Variants in SLFN14 observed in about 807,000 individuals in gnomAD.
The protein encoded by SLFN14 is protein SLFN14.
SLFN14 carries 47 observed loss-of-function variants against 58.6 expected under a neutral mutation model. The ratio of observed to expected loss-of-function variants is 0.80; its 90% CI spans 0.64 to 1.02. The LOEUF (loss-of-function observed/expected upper bound fraction) is 1.02. Among genes scored for constraint, SLFN14 ranks in the 50% least tolerant of loss-of-function variants. The pLI, the probability that SLFN14 is intolerant of heterozygous loss-of-function variation, is 0.00. For synonymous variants in SLFN14, 390 were observed against 387.3 expected, an observed-to-expected ratio of 1.01 and a Z score of -0.08; for missense variants, 967 against 1,078.4, an observed-to-expected ratio of 0.90 and a Z score of 1.45.
chr17:35,557,491 A>C lies in SLFN14; in HGVS notation c.572T>G (p.Phe191Cys). 1.3e-6 allele frequency: 2 copies of C among 1,551,624 alleles called. No individual in the cohort carries two copies. The highest frequency in any genetic ancestry group is 3.3e-4 in the Middle Eastern group (2 of 5,990). Residue 191 changes from phenylalanine (F) to cysteine (C), a missense_variant, in exon 3 of 6, where the codon TTT (phenylalanine) becomes TGT (cysteine). Phe to Cys is a radical substitution (Grantham distance 205). Coordinates refer to ENST00000674182, the MANE Select transcript of SLFN14 (RefSeq NM_001129820.2). Reference sequence around the variant, plus strand: ...CTTATACATGAGTTTGTCCTTTTTAAAAAATTCTGAGGCCAATATCCTCAT... The same window carrying C: ...CTTATACATGAGTTTGTCCTTTTTACAAAATTCTGAGGCCAATATCCTCAT... Reference protein sequence around the residue: ...EDMRILASEFFKKDKLMYKEK... With the variant: ...EDMRILASEFCKKDKLMYKEK...
chr17:35,552,840 C>T lies in SLFN14; in HGVS notation c.1794G>A (p.Arg598=). 1.3e-6 allele frequency: 2 copies of T among 1,551,082 alleles called. No individual in the cohort carries two copies. Among genetic ancestry groups the T allele is most frequent in the Non-Finnish European group, 1.7e-6 (2 of 1,146,822 alleles). The part of the protein sequence containing the change: ...ELFIYCFPGV[R]KTALAIKIME... Reference sequence around the variant, plus strand: ...TGATCTTTATGGCTAGGGCTGTCTTCCTGACTCCTGGAAAGCAGTAGATGA... The same window carrying T: ...TGATCTTTATGGCTAGGGCTGTCTTTCTGACTCCTGGAAAGCAGTAGATGA... The change falls in exon 5 of 6, where the codon AGG becomes AGA. Residue 598 remains arginine (R), a synonymous_variant. Coordinates refer to ENST00000674182, the MANE Select transcript of SLFN14 (RefSeq NM_001129820.2).
rs1056978756 is a variant in SLFN14, at chr17:35,545,919, T to A, written c.*2320A>T. ...TTTTAAGTCGCCCAGGAAATTATAA[T>A]GAGCATCCAGGGTTGAGAATCACTG... On this transcript the variant is annotated 3_prime_UTR_variant, in exon 6 of 6. Coordinates refer to ENST00000674182, the MANE Select transcript of SLFN14 (RefSeq NM_001129820.2). 6.6e-6 allele frequency among the ~76,000 whole-genome samples: 1 copy of A among 152,186 alleles called. No homozygotes were observed. The highest frequency in any genetic ancestry group is 2.4e-5 in the African/African-American group (1 of 41,440).
rs1229084245 is a variant in SLFN14, at chr17:35,548,713, G to A, written c.2265C>T (p.Ser755=). 1.9e-6 allele frequency: 3 copies of A among 1,551,720 alleles called. No individual in the cohort carries two copies. The highest frequency in any genetic ancestry group is 4.9e-5 in the East Asian group (2 of 40,930). ...EMKRIKENPP[S]NMSPDTLALF... Reference sequence around the variant, plus strand: ...ATGCTAATGTGTCTGGAGACATGTTGGAGGGAGGATTTTCTTTGATCCTCT... The same window carrying A: ...ATGCTAATGTGTCTGGAGACATGTTAGAGGGAGGATTTTCTTTGATCCTCT... Residue 755 remains serine (S), a synonymous_variant, in exon 6 of 6, where the codon TCC becomes TCT. Coordinates refer to ENST00000674182, the MANE Select transcript of SLFN14 (RefSeq NM_001129820.2).
At position 35,545,292 on chromosome 17, in the gene SLFN14, A is replaced by G. The variant is rs1009567453; in HGVS notation, c.*2947T>C. Among the ~76,000 whole-genome samples the G allele has an allele frequency of 2.0e-5, 3 of 152,216 alleles. No homozygotes were observed. The highest frequency in any genetic ancestry group is 7.2e-5 in the African/African-American group (3 of 41,446). On this transcript the variant is annotated 3_prime_UTR_variant, in exon 6 of 6. Coordinates refer to ENST00000674182, the MANE Select transcript of SLFN14 (RefSeq NM_001129820.2). ...TAAAAGCTACAAGTACAATTCAGCA[A>G]ATATTTACTGAGCACCTGCCCTGTG...
In SLFN14 at chr17:35,552,901, A is replaced by G; in HGVS notation, c.1733T>C (p.Leu578Ser). The change falls in exon 5 of 6, where the codon TTG (leucine) becomes TCG (serine). Residue 578 changes from leucine (L) to serine (S), a missense_variant. Physicochemically the swap from Leu to Ser is moderately radical, Grantham distance 145 (BLOSUM62 -2). Coordinates refer to ENST00000674182, the MANE Select transcript of SLFN14 (RefSeq NM_001129820.2). ...FNLLIMEQSQLLSESLQKTRE... is the reference protein window; with the variant it reads ...FNLLIMEQSQSLSESLQKTRE... ...TGTCTTCTGAAGACTCTCAGAAAGC[A>G]ACTGGCTCTGCTCCATTATGAGCAA... is the stretch of plus-strand genomic sequence containing the variant. 3 of 1,551,632 alleles carry G rather than the reference A, an allele frequency of 1.9e-6. No individual in the cohort carries two copies. The highest frequency in any genetic ancestry group is 1.7e-6 in the Non-Finnish European group (2 of 1,147,004).
chr17:35,559,331 C>A (rs966135574), intron 2 of SLFN14, among the ~76,000 whole-genome samples: 2 of 152,042 alleles, frequency 1.3e-5, no homozygotes, highest in South Asian at 2.1e-4. Context: ...CAGTTGATAC[C>A]AAATGCAGAA....
In SLFN14 at chr17:35,557,086, G is replaced by A; in HGVS notation, c.977C>T (p.Pro326Leu). 2 of 1,551,624 alleles carry A rather than the reference G, an allele frequency of 1.3e-6. No individual in the cohort carries two copies. Among genetic ancestry groups the A allele is most frequent in the East Asian group, 4.9e-5 (2 of 40,922 alleles). ...PFCCVVFAEA[P>L]DSWIMKDNSV... ...ATTGTCTTTCATGATCCAGGAATCT[G>A]GGGCCTCTGCAAACACCACGCAACA... The change falls in exon 3 of 6, where the codon CCA (proline) becomes CTA (leucine). Residue 326 changes from proline (P) to leucine (L), a missense_variant. Transcript: ENST00000674182.
chr17:35,547,995 G>C lies in SLFN14; in HGVS notation c.*244C>G, dbSNP rs527919439. The C allele has an allele frequency of 2.2e-5, 11 of 511,194 alleles. No individual in the cohort carries two copies. In the East Asian group the frequency reaches 3.5e-4, roughly 16 times the overall value. The allele number at this position is 511,194 out of a possible 1,614,324, so 31.7% of individuals were successfully genotyped here. A position where few individuals can be genotyped will look rare whatever the true frequency, so the allele number is the denominator to read the frequency against. On this transcript the variant is annotated 3_prime_UTR_variant, in exon 6 of 6. Coordinates refer to ENST00000674182, the MANE Select transcript of SLFN14 (RefSeq NM_001129820.2). ...GATGACAGCTGGATTGAGTGGGAAA[G>C]CTGGAGACAGGGGACTAATGAAGTC...
intron 1 of SLFN14, among the ~76,000 whole-genome samples, 32 bp from the exon 2 acceptor site, chr17:35,559,837 TC>T (rs2072684774): frequency 6.6e-6 from 1 of 152,226 alleles, no homozygotes; most frequent in Non-Finnish European, 1.5e-5. Flanking sequence ...CCTGGGGAAT[TC>T]TTTTTAGAAT....
chr17:35,547,147 G>C lies in SLFN14; in HGVS notation c.*1092C>G, dbSNP rs1424819761. Among the ~76,000 whole-genome samples, 1 of 152,016 alleles carries C rather than the reference G, an allele frequency of 6.6e-6. No homozygotes were observed. Among genetic ancestry groups the C allele is most frequent in the East Asian group, 1.9e-4 (1 of 5,194 alleles). The stretch of plus-strand genomic sequence containing the variant: ...AAGGAGAGGGTTGGTGGTGAACCTG[G>C]AAATTTTAGAAACCAAGACAGAGAA... On this transcript the variant is annotated 3_prime_UTR_variant, in exon 6 of 6. Transcript: ENST00000674182.
chr17:35,544,169 C>G lies in SLFN14; in HGVS notation c.*4070G>C, dbSNP rs1019410697. Reference sequence around the variant, plus strand: ...TCTTTGTATGGAAACAGCAGAAACCCGAGAGAGTAAACCCAATGCTGAAAG... The same window carrying G: ...TCTTTGTATGGAAACAGCAGAAACCGGAGAGAGTAAACCCAATGCTGAAAG... On this transcript the variant is annotated 3_prime_UTR_variant, in exon 6 of 6. Coordinates refer to ENST00000674182, the MANE Select transcript of SLFN14 (RefSeq NM_001129820.2). Among the ~76,000 whole-genome samples the G allele has an allele frequency of 6.6e-6, 1 of 152,086 alleles. No homozygotes were observed. The highest frequency in any genetic ancestry group is 1.5e-5 in the Non-Finnish European group (1 of 68,012).
chr17:35,554,583 C>A lies in SLFN14; in HGVS notation c.1182G>T (p.Leu394Phe), dbSNP rs1004783441. 2.4e-5 allele frequency: 36 copies of A among 1,527,130 alleles called. No individual in the cohort carries two copies. Among genetic ancestry groups the A allele is most frequent in the African/African-American group, 4.2e-5 (3 of 71,346 alleles). 94.6% of individuals were successfully genotyped at this position (1,527,130 alleles called of 1,614,324 possible). Residue 394 changes from leucine (L) to phenylalanine (F), a missense_variant, in exon 4 of 6, where the codon TTG becomes TTT. Coordinates refer to ENST00000674182, the MANE Select transcript of SLFN14 (RefSeq NM_001129820.2). ...HKFKEALQRH[L>F]FPVTQEEVQF... ...GAAATCAAGAGGGAATACCTGGAAA[C>A]AAATGTCGTTGCAGAGCCTCCTTAA...
Position 35,559,773 on chromosome 17 carries a change from A to G in SLFN14, c.-91T>C, listed in dbSNP as rs770525707. Among the ~76,000 whole-genome samples, 2 of 152,256 alleles carry G rather than the reference A, an allele frequency of 1.3e-5. No individual in the cohort carries two copies. Among genetic ancestry groups the G allele is most frequent in the Middle Eastern group, 6.8e-3 (2 of 294 alleles). On this transcript the variant is annotated 5_prime_UTR_variant, in exon 2 of 6. Coordinates refer to ENST00000674182, the MANE Select transcript of SLFN14 (RefSeq NM_001129820.2). ...CCGGCAAGACATGTGCACTCCCCTG[A>G]TATCAATTTGTTCTTGGTTGCCTTC...
rs562998131 is a variant in SLFN14 at position 35,546,884 on chromosome 17, A to T, written c.*1355T>A. Among the ~76,000 whole-genome samples the T allele has an allele frequency of 6.6e-6, 1 of 152,294 alleles. No individual in the cohort carries two copies. Among genetic ancestry groups the T allele is most frequent in the East Asian group, 1.9e-4 (1 of 5,186 alleles). On this transcript the variant is annotated 3_prime_UTR_variant, in exon 6 of 6. Coordinates refer to ENST00000674182, the MANE Select transcript of SLFN14 (RefSeq NM_001129820.2). ...CACAGGCACAGACCAGGAGTCGGGG[A>T]TGTGTGTGGGTGGTGTTGGTGGTAA...
chr17:35,553,000 A>T lies in SLFN14; in HGVS notation c.1634T>A (p.Leu545Gln). 1 of 1,551,668 alleles carries T rather than the reference A, an allele frequency of 6.4e-7. No individual in the cohort carries two copies. Among genetic ancestry groups the T allele is most frequent in the Non-Finnish European group, 8.7e-7 (1 of 1,146,990 alleles). ...CAGGGAGACCACCACCAGAGCCTGC[A>T]GCAAGTCTTCCATTTCCTCCTCATC... ...LADEEEMEDL[L>Q]QALVVVSLSS... The change falls in exon 5 of 6, where the codon CTG (leucine) becomes CAG (glutamine). Residue 545 changes from leucine (L) to glutamine (Q), a missense_variant. By Grantham distance (113) the Leu-to-Gln change is moderately radical (BLOSUM62 -2). Coordinates refer to ENST00000674182, the MANE Select transcript of SLFN14 (RefSeq NM_001129820.2).
rs899887500 is a variant in SLFN14, at chr17:35,548,859, G to C, written c.2119C>G (p.Gln707Glu). ...CCATTGACATCTGCGTGATGGATTT[G>C]AAAAGGGTCAAGAAAAAGCCAGAGA... The part of the protein sequence containing the change: ...GILWLFLDPF[Q>E]IHHADVNGLP... Residue 707 changes from glutamine (Q) to glutamate (E), a missense_variant, in exon 6 of 6, where the codon CAA becomes GAA. Physicochemically the swap from Gln to Glu is conservative, Grantham distance 29. Transcript: ENST00000674182. The C allele has an allele frequency of 3.2e-6, 5 of 1,551,612 alleles. No individual in the cohort carries two copies. Among genetic ancestry groups the C allele is most frequent in the Non-Finnish European group, 4.4e-6 (5 of 1,147,006 alleles).
In SLFN14 at chr17:35,557,153, C is replaced by A. The variant is rs762134696; in HGVS notation, c.910G>T (p.Val304Phe). 1 of 1,551,720 alleles carries A rather than the reference C, an allele frequency of 6.4e-7. No individual in the cohort carries two copies. The change falls in exon 3 of 6, where the codon GTC (valine) becomes TTC (phenylalanine). Residue 304 changes from valine (V) to phenylalanine (F), a missense_variant. Coordinates refer to ENST00000674182, the MANE Select transcript of SLFN14 (RefSeq NM_001129820.2). ...ATCACACAGACATAACCATCCAGGA[C>A]ATCTTTTTGGTACACATTCAGGATT... Reference protein sequence around the residue: ...TKILNVYQKDVLDGYVCVIQV... With the variant: ...TKILNVYQKDFLDGYVCVIQV...
Position 35,557,837 on chromosome 17 carries a change from GC to G in SLFN14, c.225del (p.Leu76TrpfsTer31). ...AAAGAAGTTTCCAAATCCTGTCCCA[GC>G]CCATGGCATTGGTAACTATAGGTTT... ...DDKTYSYQCHGLGQDLETSFQ... is the reference protein window; with the variant it reads ...DDKTYSYQCHXLGQDLETSFQ... On this transcript the variant is annotated frameshift_variant, in exon 3 of 6. Coordinates refer to ENST00000674182, the MANE Select transcript of SLFN14 (RefSeq NM_001129820.2). LOFTEE classifies it high-confidence loss of function. 1 of 1,551,686 alleles carries G rather than the reference GC, an allele frequency of 6.4e-7. No individual in the cohort carries two copies. The highest frequency in any genetic ancestry group is 1.2e-5 in the South Asian group (1 of 84,064).
Position 35,547,746 on chromosome 17 carries a change from G to A in SLFN14, c.*493C>T, listed in dbSNP as rs999221529. Among the ~76,000 whole-genome samples the A allele has an allele frequency of 6.6e-6, 1 of 152,118 alleles. No homozygotes were observed. Among genetic ancestry groups the A allele is most frequent in the Non-Finnish European group, 1.5e-5 (1 of 68,018 alleles). On this transcript the variant is annotated 3_prime_UTR_variant, in exon 6 of 6. Transcript: ENST00000674182. ...TGCAGTCAAAGTAACCAGCCTGGAGGGCACCATACCACCACCCAAAAATTA... is the reference window on the plus strand; with the variant it reads ...TGCAGTCAAAGTAACCAGCCTGGAGAGCACCATACCACCACCCAAAAATTA...
Sources: allele counts gnomAD v4.1 joint callset (sites outside exome capture counted in the v4.1 genomes callset), GRCh38; gene constraint gnomAD v4.1.1; transcripts MANE v1.5; gene names NCBI Gene and HGNC (gene_info 2026-07-23, HGNC 2026-07-21).